Variants in PCDHA5 observed in about 807,000 individuals in gnomAD.
PCDHA5 encodes protocadherin alpha-5.
Under a neutral mutation model 61.6 loss-of-function variants are expected in PCDHA5, and 43 were observed. That is an observed-to-expected ratio of 0.70 (90% CI 0.55 to 0.90). The LOEUF is 0.90. Among genes scored for constraint, PCDHA5 ranks in the 40% least tolerant of loss-of-function variants. PCDHA5 has a pLI of 0.00. For missense variants in PCDHA5, 1,298 were observed against 1,222.7 expected (o/e 1.06, Z -0.92); for synonymous variants, 627 against 543.9 (o/e 1.15, Z -2.13).
chr5:140,835,636 T>C (rs1460811244), intron 1 of PCDHA5: 1 of 1,613,788 alleles, frequency 6.2e-7, no homozygotes, highest in Non-Finnish European at 8.5e-7. Flanking sequence ...CGCGAGAGTG[T>C]GTCCGCCTAT....
At chr5:140,870,557 A>G (rs1554164412) in intron 1 of PCDHA5, 5 of 1,613,906 alleles carry the variant, frequency 3.1e-6, no homozygotes, top group African/African-American at 2.7e-5. Context: ...GACGCGCAGG[A>G]GAACGCGCTG....
chr5:140,856,403 G>C, intron 1 of PCDHA5: 1 of 1,598,562 alleles, frequency 6.3e-7, no homozygotes, highest in South Asian at 1.1e-5. Flanking sequence ...TTTCCATGTG[G>C]ACGTGGAAGT....
intron 1 of PCDHA5, chr5:140,883,930 C>A: frequency 2.5e-6 from 4 of 1,613,066 alleles, no homozygotes; most frequent in Non-Finnish European, 3.4e-6. Flanking sequence ...TGCAGGTGTT[C>A]GTGCTGGACG....
At chr5:140,848,644 A>G in intron 1 of PCDHA5, 2 of 1,593,184 alleles carry the variant, frequency 1.3e-6, no homozygotes, top group South Asian at 2.2e-5. Context: ...CGCATCGCGC[A>G]GGACCTGGGG....
chr5:140,855,925 C>T, intron 1 of PCDHA5: 2 of 1,240,614 alleles, frequency 1.6e-6, no homozygotes, highest in Admixed American at 2.5e-5. Flanking sequence ...TAGGAAGTAG[C>T]GTCATTCTGA....
intron 1 of PCDHA5, chr5:140,926,735 G>A (rs2083511846): frequency 1.1e-5 from 12 of 1,140,634 alleles, no homozygotes; most frequent in African/African-American, 1.6e-5. Context: ...GCGTTCGGGA[G>A]GCGCAACGTC....
At chr5:140,882,071 ATGGTGTC>A in intron 1 of PCDHA5, 1 of 864,194 alleles carries the variant, frequency 1.2e-6, no homozygotes, top group Non-Finnish European at 1.7e-6. Context: ...GTTCATGCGC[ATGGTGTC>A]GCTCTTCACT....
At chr5:140,928,388 C>T in intron 1 of PCDHA5, 1 of 1,614,012 alleles carries the variant, frequency 6.2e-7, no homozygotes, top group Non-Finnish European at 8.5e-7. Flanking sequence ...AGCTTGCTGG[C>T]AGTGGAATCA....
At chr5:140,900,270 T>C (rs1203586696) in intron 1 of PCDHA5, among the ~76,000 whole-genome samples, 1 of 152,082 alleles carries the variant, frequency 6.6e-6, no homozygotes, top group Non-Finnish European at 1.5e-5. Flanking sequence ...ATTGTGTATA[T>C]GTACCACACT....
In PCDHA5 at chr5:140,829,584, G is replaced by A. The variant is rs1198811288; in HGVS notation, c.2352+5457G>A. ...GTGTCCTACTCGCTGGTGGAGCGGC[G>A]GGTGGGCGAGCGCGCGTTGTCGAGC... On this transcript the variant is annotated intron_variant, in intron 1 of 3. Coordinates refer to ENST00000529859, the MANE Select transcript of PCDHA5 (RefSeq NM_018908.3). 5 of 1,612,124 alleles carry A rather than the reference G, an allele frequency of 3.1e-6. No individual in the cohort carries two copies. In the African/African-American group the frequency reaches 5.3e-5, roughly 17 times the overall value.
chr5:140,980,562 G>A (rs944389305), intron 2 of PCDHA5, among the ~76,000 whole-genome samples: 2 of 152,048 alleles, frequency 1.3e-5, no homozygotes, highest in Non-Finnish European at 2.9e-5. Context: ...CCCGGGAGGC[G>A]GAAGTTGCAG....
chr5:140,859,066 G>A (rs949613185), intron 1 of PCDHA5: 1 of 150,848 alleles, frequency 6.6e-6, no homozygotes, highest in Non-Finnish European at 1.5e-5. Flanking sequence ...TATTTTAGTT[G>A]TAGTGGTACC....
chr5:140,836,844 T>A, intron 1 of PCDHA5: 1 of 827,256 alleles, frequency 1.2e-6, no homozygotes, highest in Non-Finnish European at 1.8e-6. Flanking sequence ...GCTTTATGTA[T>A]AATTATTATT....
At chr5:140,956,924 G>A (rs2095321295) in intron 1 of PCDHA5, among the ~76,000 whole-genome samples, 2 of 151,898 alleles carry the variant, frequency 1.3e-5, no homozygotes, top group Non-Finnish European at 2.9e-5. Flanking sequence ...TAATCTTGCT[G>A]GATATAGGAT....
chr5:140,922,350 G>A (rs2080793001), intron 1 of PCDHA5, among the ~76,000 whole-genome samples: 11 of 152,212 alleles, frequency 7.2e-5, no homozygotes, highest in Admixed American at 7.2e-4. Context: ...GTATTTTCTA[G>A]AGTAGTGATT....
chr5:140,953,576 C>T (rs1466296429), intron 1 of PCDHA5, among the ~76,000 whole-genome samples: 1 of 152,090 alleles, frequency 6.6e-6, no homozygotes, highest in Non-Finnish European at 1.5e-5. Flanking sequence ...CCTCCTCTCC[C>T]AAAACTGCCT....
In PCDHA5 at chr5:140,846,617, G is replaced by A. The variant is rs2150393003; in HGVS notation, c.2352+22490G>A. Among the ~76,000 whole-genome samples, 14 of 148,740 alleles carry A rather than the reference G, an allele frequency of 9.4e-5. 1 individual carries two copies. The highest frequency in any genetic ancestry group is 1.7e-4 in the African/African-American group (7 of 40,642). ...TCTCGATCTCCTGACCTCCTGATCC[G>A]CCCACTTCGGCCTCCTAAAGTGCTG... is the stretch of plus-strand genomic sequence containing the variant. On this transcript the variant is annotated intron_variant, in intron 1 of 3. Transcript: ENST00000529859.
At position 140,821,613 on chromosome 5, in the gene PCDHA5, A is replaced by AT; in HGVS notation, c.-163_-162insT. On this transcript the variant is annotated 5_prime_UTR_variant, in exon 1 of 4. In the 5' UTR this introduces an upstream ATG that the reference lacks. Transcript: ENST00000529859. ...CCAGCCTCAAAGGAATACAGTGAGT[A>AT]GATTTTCCTTAGACAGAAAGGAAAA... 1 of 802,296 alleles carries AT rather than the reference A, an allele frequency of 1.2e-6. No homozygotes were observed. The highest frequency in any genetic ancestry group is 1.9e-6 in the Non-Finnish European group (1 of 527,410). The allele number at this position is 802,296 out of a possible 1,614,324, so 49.7% of individuals were successfully genotyped here.
intron 1 of PCDHA5, among the ~76,000 whole-genome samples, chr5:140,958,643 T>C (rs2095435479): frequency 1.3e-5 from 2 of 152,020 alleles, no homozygotes. Flanking sequence ...AGAAAACCAA[T>C]CACAGAAAGC....
Sources: gnomAD v4.1 joint callset for allele counts (sites outside exome capture counted in the v4.1 genomes callset) on GRCh38, gnomAD v4.1.1 for gene constraint, MANE v1.5 for transcripts, NCBI Gene and HGNC (gene_info 2026-07-23, HGNC 2026-07-21) for gene names.